CCDC148: variants seen among roughly 807,000 people sequenced by gnomAD.
CCDC148 encodes coiled-coil domain containing 148.
CCDC148 carries 89 observed loss-of-function variants against 85.7 expected under a neutral mutation model. The observed-to-expected ratio is 1.04, with a 90% CI of 0.87 to 1.24. The LOEUF is 1.24. Ranked by LOEUF, CCDC148 falls within the 50% of genes most tolerant of loss-of-function variation. The probability of loss-of-function intolerance (pLI) is 0.00; values close to 1 mark genes in which losing one functional copy is unlikely to be tolerated. For missense variants in CCDC148, 692 were observed against 671.7 expected (o/e 1.03, Z -0.33); for synonymous variants, 230 against 213.9 (o/e 1.08, Z -0.66).
chr2:158,406,876 G>A (rs1574766840), intron 1 of CCDC148, among the ~76,000 whole-genome samples: 1 of 152,034 alleles, frequency 6.6e-6, no homozygotes, highest in African/African-American at 2.4e-5. Context: ...TCCCACCTCT[G>A]CCTCTCAAAG....
At chr2:158,196,125 C>T (rs1305634293) in intron 11 of CCDC148, among the ~76,000 whole-genome samples, 3 of 151,990 alleles carry the variant, frequency 2.0e-5, no homozygotes, top group African/African-American at 7.2e-5. Flanking sequence ...GCAAGCTAGT[C>T]GTTAAACACA....
intron 2 of CCDC148, among the ~76,000 whole-genome samples, chr2:158,353,764 C>G (rs995638264): frequency 6.6e-5 from 10 of 152,138 alleles, no homozygotes; most frequent in Non-Finnish European, 1.3e-4. Context: ...CCCAAATCAA[C>G]AGAATATACA....
At chr2:158,440,264 T>C (rs990518792) in intron 1 of CCDC148, among the ~76,000 whole-genome samples, 2 of 152,168 alleles carry the variant, frequency 1.3e-5, no homozygotes, top group Non-Finnish European at 2.9e-5. Context: ...GGTGTAGCCA[T>C]TTTGGAAAAC....
At chr2:158,323,333 C>T (rs1475359881) in intron 7 of CCDC148, among the ~76,000 whole-genome samples, 1 of 152,088 alleles carries the variant, frequency 6.6e-6, no homozygotes, top group Non-Finnish European at 1.5e-5. Context: ...TGTAAAATAT[C>T]TCATTAATTG....
chr2:158,293,953 T>TTC, intron 9 of CCDC148, among the ~76,000 whole-genome samples: 1 of 13,536 alleles, frequency 7.4e-5, no homozygotes, highest in African/African-American at 3.4e-4. Flanking sequence ...TTCCTTCCCC[T>TTC]CTCCCTCCCT....
At chr2:158,225,221 A>G (rs896573979) in intron 10 of CCDC148, among the ~76,000 whole-genome samples, 2 of 152,324 alleles carry the variant, frequency 1.3e-5, no homozygotes, top group African/African-American at 4.8e-5. Context: ...CCATTACATA[A>G]TAGTAAAGGG....
At chr2:158,220,162 A>T (rs1261512525) in intron 11 of CCDC148, among the ~76,000 whole-genome samples, 1 of 148,368 alleles carries the variant, frequency 6.7e-6, no homozygotes, top group African/African-American at 2.6e-5. Flanking sequence ...TGTATTGGGC[A>T]TGCCCTAAGT....
At chr2:158,335,915 C>T (rs564459841) in intron 7 of CCDC148, among the ~76,000 whole-genome samples, 75 of 152,172 alleles carry the variant, frequency 4.9e-4, no homozygotes, top group Non-Finnish European at 8.2e-4. Flanking sequence ...CATTTCAAAC[C>T]AAACCAGCGA....
At chr2:158,242,633 G>GTTTTTTTTTT (rs370301211) in intron 10 of CCDC148, among the ~76,000 whole-genome samples, 1 of 139,070 alleles carries the variant, frequency 7.2e-6, no homozygotes. Flanking sequence ...CCACTCTGTA[G>GTTTTTTTTTT]TTTTTTTTTT....
chr2:158,416,787 T>A (rs1028487680), intron 1 of CCDC148, among the ~76,000 whole-genome samples: 6 of 152,216 alleles, frequency 3.9e-5, no homozygotes, highest in Non-Finnish European at 7.3e-5. Flanking sequence ...TTTTCAGGTA[T>A]CTTTATAGCA....
intron 9 of CCDC148, among the ~76,000 whole-genome samples, chr2:158,273,147 C>T (rs768910031): frequency 2.0e-5 from 3 of 152,036 alleles, no homozygotes; most frequent in Non-Finnish European, 4.4e-5. Context: ...TTTAGATGAA[C>T]ATTTTATAAC....
chr2:158,371,262 T>C (rs956265874), intron 1 of CCDC148, among the ~76,000 whole-genome samples: 3 of 152,062 alleles, frequency 2.0e-5, no homozygotes, highest in African/African-American at 7.2e-5. Flanking sequence ...CAGACTATAT[T>C]AAAATACACT....
intron 1 of CCDC148, among the ~76,000 whole-genome samples, chr2:158,412,141 C>T (rs1686288755): frequency 6.6e-6 from 1 of 152,180 alleles, no homozygotes; most frequent in African/African-American, 2.4e-5. Flanking sequence ...TCCTGCTTTC[C>T]TTTTCCACTA....
chr2:158,424,597 TAGGAA>T (rs995053532), intron 1 of CCDC148: 6 of 154,594 alleles, frequency 3.9e-5, no homozygotes, highest in African/African-American at 1.5e-4. Context: ...GGGATAACAT[TAGGAA>T]ATATACCTAA....
At chr2:158,260,689 ACAAAAATCACTAGCATTCTTATACAC>A (rs1317238829) in intron 9 of CCDC148, among the ~76,000 whole-genome samples, 3 of 152,072 alleles carry the variant, frequency 2.0e-5, no homozygotes, top group African/African-American at 4.8e-5. Context: ...AAATCAATGT[ACAAAAATCACTAGCATTCTTATACAC>A]CAACTACAGC....
intron 7 of CCDC148, among the ~76,000 whole-genome samples, chr2:158,329,432 T>C (rs1286119428): frequency 6.6e-6 from 1 of 152,198 alleles, no homozygotes; most frequent in Non-Finnish European, 1.5e-5. Flanking sequence ...GTAGTATAGT[T>C]TGAGGCCAGG....
chr2:158,269,540 G>C (rs960179671), intron 9 of CCDC148, among the ~76,000 whole-genome samples: 1 of 152,178 alleles, frequency 6.6e-6, no homozygotes, highest in Non-Finnish European at 1.5e-5. Context: ...ATGCAAGAAA[G>C]TTTATACCCT....
At chr2:158,350,650 TC>T (rs1411757980) in intron 2 of CCDC148, among the ~76,000 whole-genome samples, 6 of 152,180 alleles carry the variant, frequency 3.9e-5, no homozygotes, top group Non-Finnish European at 8.8e-5. Flanking sequence ...ATTGGATACA[TC>T]TCAAATATCT....
intron 9 of CCDC148, among the ~76,000 whole-genome samples, chr2:158,262,496 C>A (rs1294980948): frequency 6.6e-6 from 1 of 151,872 alleles, no homozygotes; most frequent in Non-Finnish European, 1.5e-5. Context: ...TTCACATGTA[C>A]CCCTGTATTA....
Sources: allele counts gnomAD v4.1 joint callset (sites outside exome capture counted in the v4.1 genomes callset), GRCh38; gene constraint gnomAD v4.1.1; transcripts MANE v1.5; gene names NCBI Gene and HGNC (gene_info 2026-07-23, HGNC 2026-07-21).